Variants in MACF1 observed in about 807,000 individuals in gnomAD.
The protein encoded by MACF1 is microtubule actin crosslinking factor 1, also known as microtubule-actin cross-linking factor 1.
A neutral mutation model predicts 854.8 loss-of-function variants in MACF1; 193 were observed. That is an observed-to-expected ratio of 0.23 (90% CI 0.20 to 0.25). The LOEUF is 0.25. MACF1 is among the 10% of genes least tolerant of loss of function. The pLI, the probability that MACF1 is intolerant of heterozygous loss-of-function variation, is 1.00. For synonymous variants in MACF1, 3,185 were observed against 3,226.7 expected, an observed-to-expected ratio of 0.99 and a Z score of 0.44; for missense variants, 7,722 against 8,929.1, an observed-to-expected ratio of 0.86 and a Z score of 5.45.
intron 6 of MACF1, among the ~76,000 whole-genome samples, chr1:39,274,108 A>AATGGTTG (rs1254803216): frequency 6.6e-6 from 1 of 152,146 alleles, no homozygotes; most frequent in African/African-American, 2.4e-5. Context: ...ATGAGTTGAT[A>AATGGTTG]ATGGTTGAAA....
intron 58 of MACF1, among the ~76,000 whole-genome samples, chr1:39,392,072 G>A (rs1642056864): frequency 6.6e-6 from 1 of 152,172 alleles, no homozygotes; most frequent in South Asian, 2.1e-4. Flanking sequence ...CCTCAAGTTG[G>A]GGATGCAAAT....
chr1:39,375,994 A>G (rs1649687384), intron 52 of MACF1, among the ~76,000 whole-genome samples: 1 of 152,208 alleles, frequency 6.6e-6, no homozygotes, highest in South Asian at 2.1e-4. Context: ...TGTGCTATAG[A>G]TGTTTTTCTT....
chr1:39,477,064 TATATATATATATATATATATATATATAC>T (rs1281123080), intron 97 of MACF1, among the ~76,000 whole-genome samples: 7 of 18,458 alleles, frequency 3.8e-4, no homozygotes, highest in South Asian at 2.8e-3. Context: ...TATATATATA[TATATATATATATATATATATATATATAC>T]ACACACACAC....
At chr1:39,376,627 A>G (rs1229718265) in intron 52 of MACF1, among the ~76,000 whole-genome samples, 1 of 152,206 alleles carries the variant, frequency 6.6e-6, no homozygotes, top group Non-Finnish European at 1.5e-5. Flanking sequence ...CTGCAATGGA[A>G]TGTTATTTTT....
intron 58 of MACF1, chr1:39,411,913 A>G (rs1643024866): frequency 1.2e-6 from 2 of 1,613,940 alleles, no homozygotes; most frequent in Non-Finnish European, 1.7e-6. Flanking sequence ...TCAGGTGCCT[A>G]ATGCTGTGGA....
chr1:39,191,673 A>G (rs1164816559), intron 2 of MACF1, among the ~76,000 whole-genome samples: 1 of 152,172 alleles, frequency 6.6e-6, no homozygotes, highest in Non-Finnish European at 1.5e-5. Context: ...CATGCCCATT[A>G]CTTTTTGTTT....
chr1:39,249,899 T>G, intron 2 of MACF1, 115 bp from the exon 3 acceptor site: 1 of 563,142 alleles, frequency 1.8e-6, no homozygotes, highest in South Asian at 2.6e-5. Flanking sequence ...ATTTAATTGT[T>G]GCTTCCACTT....
chr1:39,102,434 C>CG (rs10566264), intron 2 of MACF1, among the ~76,000 whole-genome samples: 1,067 of 69,306 alleles, frequency 0.015, 13 homozygotes, highest in South Asian at 0.046. Context: ...TAATTGGAGG[C>CG]GGGGGGGGGG....
chr1:39,457,087 C>A (rs1644455331), intron 89 of MACF1: 1 of 152,250 alleles, frequency 6.6e-6, no homozygotes, highest in South Asian at 2.1e-4. Context: ...TTTATCTGGT[C>A]TAACAGCTTT....
upstream of MACF1, among the ~76,000 whole-genome samples, chr1:39,203,675 T>C (rs1362344587): frequency 6.6e-6 from 1 of 152,238 alleles, no homozygotes; most frequent in East Asian, 1.9e-4. Flanking sequence ...TCTAGAAAGT[T>C]ATATAAATGG....
intron 6 of MACF1, among the ~76,000 whole-genome samples, chr1:39,263,758 T>C (rs1339038208): frequency 9.4e-6 from 1 of 105,980 alleles, no homozygotes; most frequent in African/African-American, 3.9e-5. Context: ...TTCTTTCATC[T>C]TTTTTCTTTT....
chr1:39,402,953 C>A (rs1642532445), intron 58 of MACF1, among the ~76,000 whole-genome samples: 1 of 108,290 alleles, frequency 9.2e-6, no homozygotes, highest in Non-Finnish European at 2.4e-5. Context: ...TCATCTGTCT[C>A]TTCTCTTCTC....
At chr1:39,381,382 G>A (rs964428875) in intron 55 of MACF1, among the ~76,000 whole-genome samples, 3 of 143,238 alleles carry the variant, frequency 2.1e-5, no homozygotes, top group African/African-American at 7.8e-5. Context: ...TTTTTTTGGG[G>A]GGGGGGACAG....
chr1:39,183,330 C>G (rs1383578565), intron 2 of MACF1, among the ~76,000 whole-genome samples: 1 of 152,056 alleles, frequency 6.6e-6, no homozygotes, highest in African/African-American at 2.4e-5. Flanking sequence ...GAATTGTTTA[C>G]CTAAAAAGGG....
At chr1:39,183,154 T>C (rs1167472948) in intron 2 of MACF1, among the ~76,000 whole-genome samples, 2 of 152,172 alleles carry the variant, frequency 1.3e-5, no homozygotes, top group African/African-American at 4.8e-5. Context: ...GGCAAATCCA[T>C]AGAGACCATA....
At chr1:39,214,823 A>G (rs1557522189) in intron 1 of MACF1, among the ~76,000 whole-genome samples, 1 of 152,100 alleles carries the variant, frequency 6.6e-6, no homozygotes, top group Non-Finnish European at 1.5e-5. Flanking sequence ...TTTGGTTAAC[A>G]CTATATGTAC....
At chr1:39,464,972 G>A in intron 94 of MACF1, 123 bp from the exon 95 acceptor site, 1 of 871,566 alleles carries the variant, frequency 1.1e-6, no homozygotes, top group Non-Finnish European at 1.9e-6. Flanking sequence ...AATATGTTCA[G>A]TGTGTGTCAC....
intron 2 of MACF1, among the ~76,000 whole-genome samples, chr1:39,232,459 T>C (rs1388663465): frequency 6.6e-6 from 1 of 152,200 alleles, no homozygotes; most frequent in African/African-American, 2.4e-5. Context: ...CTTTCCTCTA[T>C]GAATGCCTTT....
intron 6 of MACF1, among the ~76,000 whole-genome samples, chr1:39,272,362 G>A (rs1468102931): frequency 2.0e-5 from 3 of 152,162 alleles, no homozygotes; most frequent in African/African-American, 7.2e-5. Context: ...AGAGGGCAAC[G>A]CATACTGAAA....
Sources: allele counts gnomAD v4.1 joint callset (sites outside exome capture counted in the v4.1 genomes callset), GRCh38; gene constraint gnomAD v4.1.1; transcripts MANE v1.5; gene names NCBI Gene and HGNC (gene_info 2026-07-23, HGNC 2026-07-21).